The following MYLK variants were observed in gnomAD, a reference collection of about 807,000 sequenced individuals.
MYLK encodes myosin light chain kinase.
In MYLK, 106 loss-of-function variants were observed where a neutral mutation model predicts 203.4. The observed-to-expected ratio is 0.52, with a 90% confidence interval of 0.45 to 0.61. The LOEUF (loss-of-function observed/expected upper bound fraction) is 0.61. MYLK is among the 20% of genes least tolerant of loss of function. The probability of loss-of-function intolerance (pLI) is 0.00; values close to 1 mark genes in which losing one functional copy is unlikely to be tolerated. For synonymous variants in MYLK, 867 were observed against 959.5 expected (o/e 0.90, Z 1.78); for missense variants, 2,072 against 2,442.3 (o/e 0.85, Z 3.20).
chr3:123,722,639 T>A (rs2062134246), intron 12 of MYLK, among the ~76,000 whole-genome samples: 2 of 152,132 alleles, frequency 1.3e-5, no homozygotes, highest in South Asian at 4.1e-4. Context: ...ATCCTCAACT[T>A]CACAGAATTC....
chr3:123,755,031 C>T (rs1047657247), intron 4 of MYLK, among the ~76,000 whole-genome samples: 10 of 152,184 alleles, frequency 6.6e-5, no homozygotes, highest in Admixed American at 5.9e-4. Flanking sequence ...GTATTCTTCT[C>T]GTGTGAAACC....
At chr3:123,624,568 A>G (rs1380626840) in intron 31 of MYLK, 3 of 152,258 alleles carry the variant, frequency 2.0e-5, no homozygotes, top group African/African-American at 7.2e-5. Context: ...CCGCCCTGAC[A>G]TCAGCTTCCC....
intron 4 of MYLK, among the ~76,000 whole-genome samples, chr3:123,766,321 G>A (rs560655903): frequency 1.3e-5 from 2 of 152,126 alleles, no homozygotes; most frequent in South Asian, 2.1e-4. Context: ...TCTCTGCCTC[G>A]TGACCACACA....
chr3:123,813,510 C>G (rs2065631441), intron 3 of MYLK, among the ~76,000 whole-genome samples: 1 of 151,064 alleles, frequency 6.6e-6, no homozygotes, highest in East Asian at 1.9e-4. Context: ...CACTGTCTCT[C>G]TCTCTCTTTT....
chr3:123,686,859 T>C (rs1351995632), intron 19 of MYLK, among the ~76,000 whole-genome samples: 5 of 152,184 alleles, frequency 3.3e-5, no homozygotes, highest in Non-Finnish European at 7.3e-5. Flanking sequence ...TTGAAGTGTT[T>C]TTGACCTACA....
chr3:123,747,151 G>T (rs1326547795), intron 5 of MYLK, among the ~76,000 whole-genome samples: 2 of 152,162 alleles, frequency 1.3e-5, no homozygotes, highest in African/African-American at 4.8e-5. Flanking sequence ...TGGCACAGGA[G>T]CATTTCCTAC....
intron 13 of MYLK, among the ~76,000 whole-genome samples, chr3:123,721,277 G>C (rs1004953271): frequency 1.3e-5 from 2 of 152,162 alleles, no homozygotes; most frequent in Non-Finnish European, 2.9e-5. Context: ...TGTCTGATGG[G>C]AGACCAGTCA....
intron 18 of MYLK, among the ~76,000 whole-genome samples, 174 bp downstream of exon 18, chr3:123,699,846 G>A (rs2061106659): frequency 6.6e-6 from 1 of 152,210 alleles, no homozygotes; most frequent in Non-Finnish European, 1.5e-5. Flanking sequence ...CTATCCTTGA[G>A]TTAGCAGGAA....
At chr3:123,760,281 T>C (rs1398817955) in intron 4 of MYLK, among the ~76,000 whole-genome samples, 1 of 152,136 alleles carries the variant, frequency 6.6e-6, no homozygotes, top group Non-Finnish European at 1.5e-5. Context: ...CGGGTTCAAG[T>C]GACTCTCCTG....
chr3:123,808,192 A>G lies in MYLK; in HGVS notation c.-3-14348T>C, dbSNP rs150504326. Among the ~76,000 whole-genome samples the G allele has an allele frequency of 7.9e-5, 12 of 152,166 alleles. No individual in the cohort carries two copies. The East Asian group carries it at 1.9e-3, about 24-fold the overall frequency. On this transcript the variant is annotated intron_variant, in intron 3 of 33. Transcript: ENST00000360304. ...CTGTTTCTGCTAGTTCCACTTCCAC[A>G]CAGCCCTGTCCATTCTCACCAGGGG...
At chr3:123,838,617 A>G (rs1285690558) in intron 2 of MYLK, among the ~76,000 whole-genome samples, 1 of 152,208 alleles carries the variant, frequency 6.6e-6, no homozygotes, top group Non-Finnish European at 1.5e-5. Context: ...CATAACAACA[A>G]CAGCACAAGA....
chr3:123,754,683 T>G (rs1041430392), intron 4 of MYLK, among the ~76,000 whole-genome samples: 24 of 152,236 alleles, frequency 1.6e-4, no homozygotes, highest in Admixed American at 1.5e-3. Context: ...GTTAGGATTG[T>G]GAGTCTCCTC....
intron 23 of MYLK, among the ~76,000 whole-genome samples, chr3:123,662,372 G>A (rs1438224440): frequency 6.6e-6 from 1 of 152,120 alleles, no homozygotes. Flanking sequence ...CTAGTCCTAA[G>A]GTGATGATAC....
In MYLK at chr3:123,859,019, T is replaced by C. The variant is rs539033525; in HGVS notation, c.-127+17540A>G. 3.9e-4 allele frequency among the ~76,000 whole-genome samples: 60 copies of C among 152,296 alleles called. 1 individual carries two copies. The South Asian group carries it at 0.012, about 31-fold the overall frequency. Reference sequence around the variant, plus strand: ...CATATAATTTAAATAGTATATAAAGTGATTAAATGTGAATATAAAAGATCT... The same window carrying C: ...CATATAATTTAAATAGTATATAAAGCGATTAAATGTGAATATAAAAGATCT... On this transcript the variant is annotated intron_variant, in intron 2 of 33. Coordinates refer to ENST00000360304, the MANE Select transcript of MYLK (RefSeq NM_053025.4).
chr3:123,645,433 A>C (rs1468515001), intron 27 of MYLK, among the ~76,000 whole-genome samples: 1 of 152,236 alleles, frequency 6.6e-6, no homozygotes, highest in Non-Finnish European at 1.5e-5. Flanking sequence ...TCATATCTAC[A>C]GCTTGGGGAT....
rs1576749825 is a variant in MYLK, at chr3:123,725,889, C to G, written c.1651+55G>C. On this transcript the variant is annotated intron_variant, in intron 12 of 33. Transcript: ENST00000360304. ...TCAGAGGGATAAGTGAGAATTCAGG[C>G]AGCGCCAAAGGGCCCAGGGGATGGG... 10 of 1,590,254 alleles carry G rather than the reference C, an allele frequency of 6.3e-6. No individual in the cohort carries two copies. The East Asian group carries it at 2.0e-4, about 32-fold the overall frequency.
chr3:123,843,802 A>G (rs1416412569), intron 2 of MYLK, among the ~76,000 whole-genome samples: 1 of 152,150 alleles, frequency 6.6e-6, no homozygotes, highest in Non-Finnish European at 1.5e-5. Context: ...CATAGCTCCA[A>G]AGGAATCCTT....
chr3:123,693,318 C>G (rs1295677876), intron 18 of MYLK, among the ~76,000 whole-genome samples: 1 of 152,168 alleles, frequency 6.6e-6, no homozygotes, highest in Non-Finnish European at 1.5e-5. Flanking sequence ...TGACTGCATT[C>G]TGGAAAAGGG....
intron 22 of MYLK, among the ~76,000 whole-genome samples, chr3:123,664,712 T>C (rs2059680246): frequency 6.6e-6 from 1 of 152,202 alleles, no homozygotes; most frequent in Non-Finnish European, 1.5e-5. Flanking sequence ...ACAACCCAGA[T>C]GTCCATCAAC....
Sources: allele counts gnomAD v4.1 joint callset (sites outside exome capture counted in the v4.1 genomes callset), GRCh38; gene constraint gnomAD v4.1.1; transcripts MANE v1.5; gene names NCBI Gene and HGNC (gene_info 2026-07-23, HGNC 2026-07-21).